The following LIN7A variants were observed in gnomAD, a reference collection of about 807,000 sequenced individuals.
The protein encoded by LIN7A is lin-7 cell polarity scaffold A.
LIN7A carries 25 observed loss-of-function variants against 29.8 expected under a neutral mutation model. That is an observed-to-expected ratio of 0.84 (90% CI 0.61 to 1.17). The LOEUF (loss-of-function observed/expected upper bound fraction) is 1.17. Ranked by LOEUF, LIN7A falls within the 50% of genes most tolerant of loss-of-function variation. The pLI is 0.00. For missense variants in LIN7A, 239 were observed against 287.0 expected, an observed-to-expected ratio of 0.83 and a Z score of 1.21; for synonymous variants, 118 against 107.5, an observed-to-expected ratio of 1.10 and a Z score of -0.60.
At chr12:80,829,282 A>G (rs1393483966) in intron 4 of LIN7A, among the ~76,000 whole-genome samples, 1 of 152,222 alleles carries the variant, frequency 6.6e-6, no homozygotes, top group Non-Finnish European at 1.5e-5. Context: ...GTAGAAGTAT[A>G]GTCTGTGGGA....
intron 2 of LIN7A, among the ~76,000 whole-genome samples, chr12:80,881,827 C>T (rs1875058422): frequency 6.6e-6 from 1 of 152,106 alleles, no homozygotes; most frequent in Non-Finnish European, 1.5e-5. Context: ...TTGGGTATTT[C>T]TAGTTATCCT....
intron 2 of LIN7A, among the ~76,000 whole-genome samples, chr12:80,864,336 AG>A (rs1266717186): frequency 6.6e-6 from 1 of 152,144 alleles, no homozygotes. Flanking sequence ...AGAAAAAAAA[AG>A]AAATGAATCA....
chr12:80,818,424 G>A (rs1301082740), intron 4 of LIN7A, among the ~76,000 whole-genome samples: 1 of 152,158 alleles, frequency 6.6e-6, no homozygotes, highest in Non-Finnish European at 1.5e-5. Context: ...CTGTTAAAAA[G>A]GTAATGAAAA....
chr12:80,803,371 G>A (rs1427667289), intron 5 of LIN7A, among the ~76,000 whole-genome samples: 1 of 152,162 alleles, frequency 6.6e-6, no homozygotes, highest in Non-Finnish European at 1.5e-5. Flanking sequence ...CAACACCATT[G>A]ATTGAAGAGA....
intron 2 of LIN7A, among the ~76,000 whole-genome samples, chr12:80,875,425 T>C (rs1440524549): frequency 6.6e-6 from 1 of 152,208 alleles, no homozygotes; most frequent in Non-Finnish European, 1.5e-5. Flanking sequence ...CCAACTTTTA[T>C]ACACTTACTA....
intron 1 of LIN7A, among the ~76,000 whole-genome samples, chr12:80,895,297 T>G (rs559108099): frequency 3.9e-5 from 6 of 152,296 alleles, no homozygotes; most frequent in African/African-American, 1.4e-4. Context: ...AATAAAATAT[T>G]GGAACTTAAA....
At position 80,828,782 on chromosome 12, in the gene LIN7A, A is replaced by T. The variant is rs1050120091; in HGVS notation, c.483+16948T>A. Reference sequence around the variant, plus strand: ...ATATGTTTGTATTTAAAAATAAATAAATAAGTAAATAAATGTGGGGTGTGT... The same window carrying T: ...ATATGTTTGTATTTAAAAATAAATATATAAGTAAATAAATGTGGGGTGTGT... On this transcript the variant is annotated intron_variant, in intron 4 of 5. Coordinates refer to ENST00000552864, the MANE Select transcript of LIN7A (RefSeq NM_004664.4). Among the ~76,000 whole-genome samples, 5 of 151,948 alleles carry T rather than the reference A, an allele frequency of 3.3e-5. No individual in the cohort carries two copies. The East Asian group carries it at 5.8e-4, about 18-fold the overall frequency.
At position 80,794,051 on chromosome 12, in the gene LIN7A, C is replaced by A. The variant is rs1295621176; in HGVS notation, c.*3676G>T. 1 of 151,090 alleles carries A rather than the reference C, an allele frequency of 6.6e-6. No individual in the cohort carries two copies. Among genetic ancestry groups the A allele is most frequent in the Non-Finnish European group, 1.5e-5 (1 of 68,010 alleles). 9.4% of individuals were successfully genotyped at this position (151,090 alleles called of 1,614,324 possible). ...TTAATGAAATTTCAAATTCATACAT[C>A]TAAAAAGTTTTTATATAGACTCAAA... On this transcript the variant is annotated 3_prime_UTR_variant, in exon 6 of 6. Coordinates refer to ENST00000552864, the MANE Select transcript of LIN7A (RefSeq NM_004664.4).
At chr12:80,875,380 G>T (rs184012537) in intron 2 of LIN7A, among the ~76,000 whole-genome samples, 152 of 152,268 alleles carry the variant, frequency 1.0e-3, no homozygotes, top group African/African-American at 3.4e-3. Context: ...AGCACTAGGT[G>T]CTTTCTATGG....
intron 2 of LIN7A, among the ~76,000 whole-genome samples, chr12:80,850,708 A>T (rs1365919229): frequency 6.6e-6 from 1 of 152,202 alleles, no homozygotes; most frequent in East Asian, 1.9e-4. Flanking sequence ...AGATTGAGAA[A>T]TCCTGATCTA....
chr12:80,900,637 T>C (rs1388038409), intron 1 of LIN7A, among the ~76,000 whole-genome samples: 1 of 152,212 alleles, frequency 6.6e-6, no homozygotes, highest in Non-Finnish European at 1.5e-5. Context: ...GTTGATATGA[T>C]GTTGGTTTTT....
chr12:80,898,505 T>G (rs1876029623), intron 1 of LIN7A, among the ~76,000 whole-genome samples: 1 of 152,174 alleles, frequency 6.6e-6, no homozygotes, highest in African/African-American at 2.4e-5. Context: ...AAATAGTTTT[T>G]TTTTTCTAAT....
At chr12:80,878,808 C>T (rs1436223841) in intron 2 of LIN7A, among the ~76,000 whole-genome samples, 1 of 152,070 alleles carries the variant, frequency 6.6e-6, no homozygotes, top group Non-Finnish European at 1.5e-5. Context: ...TGAGTTTTTA[C>T]AGAGTGCTGA....
intron 2 of LIN7A, among the ~76,000 whole-genome samples, chr12:80,855,516 G>A (rs994610507): frequency 6.6e-6 from 1 of 151,878 alleles, no homozygotes; most frequent in African/African-American, 2.4e-5. Context: ...TAAAAATTTA[G>A]CTCCCCACAC....
rs1030712149 is a variant in LIN7A, at chr12:80,795,415, C to T, written c.*2312G>A. On this transcript the variant is annotated 3_prime_UTR_variant, in exon 6 of 6. Coordinates refer to ENST00000552864, the MANE Select transcript of LIN7A (RefSeq NM_004664.4). ...TTACTTTGACAAACAATCTGGTATG[C>T]CTTTATCAGCACTTAACATTAACCA... The T allele has an allele frequency of 1.3e-5, 2 of 151,952 alleles. No homozygotes were observed. The highest frequency in any genetic ancestry group is 2.9e-5 in the Non-Finnish European group (2 of 67,962). The allele number at this position is 151,952 out of a possible 1,614,324, so 9.4% of individuals were successfully genotyped here.
At chr12:80,819,542 T>C (rs1447200923) in intron 4 of LIN7A, among the ~76,000 whole-genome samples, 1 of 152,176 alleles carries the variant, frequency 6.6e-6, no homozygotes, top group African/African-American at 2.4e-5. Flanking sequence ...GTCCAGCATT[T>C]ATTATGAACT....
intron 4 of LIN7A, among the ~76,000 whole-genome samples, chr12:80,829,377 A>C (rs1872234762): frequency 6.6e-6 from 1 of 152,110 alleles, no homozygotes; most frequent in African/African-American, 2.4e-5. Context: ...CGACATCGTT[A>C]ATTTGCTGAA....
chr12:80,849,529 C>T (rs1032809682), intron 2 of LIN7A, among the ~76,000 whole-genome samples: 2 of 152,088 alleles, frequency 1.3e-5, no homozygotes, highest in African/African-American at 4.8e-5. Flanking sequence ...AAACCATATA[C>T]ACTTTGGTGA....
chr12:80,847,804 C>G (rs1179242370), intron 3 of LIN7A, among the ~76,000 whole-genome samples: 1 of 152,134 alleles, frequency 6.6e-6, no homozygotes, highest in African/African-American at 2.4e-5. Flanking sequence ...AGCAAGTTAC[C>G]CACTGCTCAG....
Sources: allele counts gnomAD v4.1 joint callset (sites outside exome capture counted in the v4.1 genomes callset), GRCh38; gene constraint gnomAD v4.1.1; transcripts MANE v1.5; gene names NCBI Gene and HGNC (gene_info 2026-07-23, HGNC 2026-07-21).